The following AVEN variants were observed in gnomAD, a reference collection of about 807,000 sequenced individuals.
AVEN encodes the protein apoptosis and caspase activation inhibitor, also known as cell death regulator Aven.
AVEN carries 41 observed loss-of-function variants against 38.1 expected under a neutral mutation model. That is an observed-to-expected ratio of 1.08 (90% CI 0.84 to 1.40). The LOEUF (loss-of-function observed/expected upper bound fraction) is 1.40. AVEN is among the 40% of genes most tolerant of loss of function. The pLI, the probability that AVEN is intolerant of heterozygous loss-of-function variation, is 0.00. For missense variants in AVEN, 605 were observed against 438.8 expected (o/e 1.38, Z -3.38); for synonymous variants, 206 against 171.8 (o/e 1.20, Z -1.56).
chr15:33,991,267 TAA>T (rs1896710284), intron 2 of AVEN: 1 of 152,158 alleles, frequency 6.6e-6, no homozygotes, highest in Non-Finnish European at 1.5e-5. Flanking sequence ...ACAGACCTTC[TAA>T]CACTTTTCAA....
chr15:33,964,828 T>C (rs1895325874), intron 2 of AVEN, among the ~76,000 whole-genome samples: 1 of 152,202 alleles, frequency 6.6e-6, no homozygotes. Context: ...TCCAAGAAAC[T>C]GCAGATTTCA....
intron 2 of AVEN, among the ~76,000 whole-genome samples, chr15:34,001,464 C>T (rs546186471): frequency 2.0e-5 from 3 of 152,190 alleles, no homozygotes; most frequent in African/African-American, 7.2e-5. Context: ...ATTTTCTCCC[C>T]CTAGATCTTC....
chr15:33,930,466 A>G (rs1893799886), intron 2 of AVEN, among the ~76,000 whole-genome samples: 1 of 152,224 alleles, frequency 6.6e-6, no homozygotes, highest in South Asian at 2.1e-4. Flanking sequence ...GAATGTGAAC[A>G]TGTATAAAAT....
intron 2 of AVEN, among the ~76,000 whole-genome samples, chr15:33,983,972 T>C (rs1896309579): frequency 6.6e-6 from 1 of 151,120 alleles, no homozygotes; most frequent in East Asian, 1.9e-4. Context: ...AGGGACATTC[T>C]ACAATATGGT....
At chr15:33,920,113 G>T (rs113368695) in intron 2 of AVEN, among the ~76,000 whole-genome samples, 10 of 152,126 alleles carry the variant, frequency 6.6e-5, no homozygotes, top group African/African-American at 2.4e-4. Context: ...GGATTAATGA[G>T]ATTTCTTCTT....
chr15:34,004,459 T>C (rs1019035783), intron 1 of AVEN, among the ~76,000 whole-genome samples: 1 of 152,172 alleles, frequency 6.6e-6, no homozygotes, highest in African/African-American at 2.4e-5. Flanking sequence ...GGGAACTTAT[T>C]TGTACTGATT....
At chr15:33,992,500 A>T (rs1470234037) in intron 2 of AVEN, among the ~76,000 whole-genome samples, 1 of 152,218 alleles carries the variant, frequency 6.6e-6, no homozygotes, top group East Asian at 1.9e-4. Flanking sequence ...TTGGTTATCC[A>T]ATTGAAAATT....
intron 2 of AVEN, among the ~76,000 whole-genome samples, chr15:33,962,453 A>T (rs1325246883): frequency 6.6e-6 from 1 of 152,120 alleles, no homozygotes; most frequent in Non-Finnish European, 1.5e-5. Context: ...TCTCCCCATC[A>T]TACCTAGATA....
At chr15:33,871,108 T>C in intron 3 of AVEN, 78 bp from the exon 4 acceptor site, 2 of 945,896 alleles carry the variant, frequency 2.1e-6, no homozygotes, top group Non-Finnish European at 2.9e-6. Flanking sequence ...AAACTGTAAA[T>C]AATCCACTGG....
chr15:33,979,386 G>A (rs1367895988), intron 2 of AVEN, among the ~76,000 whole-genome samples: 1 of 152,102 alleles, frequency 6.6e-6, no homozygotes, highest in Non-Finnish European at 1.5e-5. Flanking sequence ...GGGTGTGGCT[G>A]TAATCCCAGC....
intron 2 of AVEN, among the ~76,000 whole-genome samples, chr15:34,068,518 A>G (rs1256830827): frequency 6.6e-6 from 1 of 152,126 alleles, no homozygotes; most frequent in Non-Finnish European, 1.5e-5. Flanking sequence ...TAGAGTGTGT[A>G]TTTCTTAAGA....
downstream of AVEN, chr15:33,865,003 T>C (rs1889991767): frequency 6.3e-6 from 4 of 638,572 alleles, no homozygotes; most frequent in East Asian, 1.1e-4. Context: ...CAAGAATGAA[T>C]GTGCAGGTTT....
At chr15:33,889,119 A>T (rs1891829379) in intron 2 of AVEN, among the ~76,000 whole-genome samples, 1 of 152,228 alleles carries the variant, frequency 6.6e-6, no homozygotes, top group Non-Finnish European at 1.5e-5. Flanking sequence ...AATATCTTTC[A>T]GAAAATTATC....
chr15:33,865,274 A>C (rs763887633), downstream of AVEN: 10 of 1,341,998 alleles, frequency 7.5e-6, no homozygotes, highest in Admixed American at 1.8e-5. Context: ...ACTTCCCATG[A>C]AATAAAGTCC....
intron 2 of AVEN, among the ~76,000 whole-genome samples, chr15:33,983,098 T>C (rs142651010): frequency 4.4e-4 from 67 of 151,668 alleles, no homozygotes; most frequent in Middle Eastern, 3.4e-3. Flanking sequence ...ACTTGGGATA[T>C]AGCTAACCAT....
chr15:34,019,961 G>T (rs922347643), intron 1 of AVEN, among the ~76,000 whole-genome samples: 2 of 152,154 alleles, frequency 1.3e-5, no homozygotes, highest in Non-Finnish European at 2.9e-5. Context: ...ACATTTTAAT[G>T]CATACAACAA....
chr15:34,020,772 A>G (rs1162960239), intron 1 of AVEN, among the ~76,000 whole-genome samples: 1 of 152,234 alleles, frequency 6.6e-6, no homozygotes, highest in Non-Finnish European at 1.5e-5. Flanking sequence ...TTCGTAAGAC[A>G]CAAGATATAA....
intron 2 of AVEN, among the ~76,000 whole-genome samples, chr15:33,938,674 T>C (rs1444787864): frequency 6.6e-6 from 1 of 152,108 alleles, no homozygotes; most frequent in African/African-American, 2.4e-5. Flanking sequence ...ACCTTATTCA[T>C]CAAAATGCCA....
At chr15:33,926,671 A>G (rs1893617619) in intron 2 of AVEN, among the ~76,000 whole-genome samples, 1 of 152,042 alleles carries the variant, frequency 6.6e-6, no homozygotes, top group South Asian at 2.1e-4. Context: ...AATTATTATT[A>G]TTATTTTGAG....
Sources: gnomAD v4.1 joint callset for allele counts (sites outside exome capture counted in the v4.1 genomes callset) on GRCh38, gnomAD v4.1.1 for gene constraint, MANE v1.5 for transcripts, NCBI Gene and HGNC (gene_info 2026-07-23, HGNC 2026-07-21) for gene names.